The following KCNS3 variants were observed in gnomAD, a reference collection of about 807,000 sequenced individuals.
The protein encoded by KCNS3 is potassium voltage-gated channel modifier subfamily S member 3.
KCNS3 carries 13 observed loss-of-function variants against 31.0 expected under a neutral mutation model. The observed-to-expected ratio is 0.42, with a 90% CI of 0.27 to 0.67. The LOEUF (loss-of-function observed/expected upper bound fraction) is 0.67, where lower values mean the gene tolerates loss of function less well. KCNS3 is among the 30% of genes least tolerant of loss of function. The pLI is 0.25. For missense variants in KCNS3, 545 were observed against 622.4 expected, an observed-to-expected ratio of 0.88 and a Z score of 1.32; for synonymous variants, 238 against 241.5, an observed-to-expected ratio of 0.99 and a Z score of 0.13.
intron 1 of KCNS3, among the ~76,000 whole-genome samples, chr2:17,906,567 A>C (rs913619250): frequency 2.6e-5 from 4 of 152,094 alleles, no homozygotes; most frequent in African/African-American, 9.7e-5. Flanking sequence ...TGTCAGTTTT[A>C]GATGTTTCCT....
chr2:17,931,119 T>G lies in KCNS3; in HGVS notation c.111T>G (p.Pro37=), dbSNP rs565462209. ...ACCAAAGCACCCTCCTGCGGTTTCC[T>G]CACACCAGACTGGGGAAGCTGCTTA... ...SVDQSTLLRF[P]HTRLGKLLTC... Residue 37 remains proline, a synonymous_variant, in exon 3 of 3, where the codon CCT becomes CCG. Coordinates refer to ENST00000304101, the MANE Select transcript of KCNS3 (RefSeq NM_002252.5). This position sits in a 1 kb window ranked among gnomAD's most constrained non-coding sequence, Gnocchi z 5.4. 371 of 1,614,182 alleles carry G rather than the reference T, an allele frequency of 2.3e-4. 1 individual carries two copies. The South Asian group carries it at 3.8e-3, about 16-fold the overall frequency.
chr2:17,880,024 C>T (rs1301265833), intron 1 of KCNS3, among the ~76,000 whole-genome samples: 2 of 152,168 alleles, frequency 1.3e-5, no homozygotes, highest in Non-Finnish European at 2.9e-5. Flanking sequence ...AGAAGCCTTT[C>T]CTGTTTCTTT....
chr2:17,900,328 G>A (rs1030481466), intron 1 of KCNS3, among the ~76,000 whole-genome samples: 2 of 152,136 alleles, frequency 1.3e-5, no homozygotes, highest in Non-Finnish European at 2.9e-5. Context: ...TAGGTGGGAT[G>A]CAGTGGAAGG....
At chr2:17,898,689 G>A (rs78414252) in intron 1 of KCNS3, among the ~76,000 whole-genome samples, 1,535 of 152,224 alleles carry the variant, frequency 0.01, 21 homozygotes, top group African/African-American at 0.033. Flanking sequence ...TGAAAGGGGC[G>A]CAAGGAGAGA....
Position 17,888,629 on chromosome 2 carries a change from G to GTATATCTATCTA in KCNS3, c.-252+9828_-252+9829insCTATCTATATAT, listed in dbSNP as rs35102585. ...GAACTTAAAGTATAATAAAAAAAAT[G>GTATATCTATCTA]TATATATATATATATATATATATAT... On this transcript the variant is annotated intron_variant, in intron 1 of 2. Coordinates refer to ENST00000304101, the MANE Select transcript of KCNS3 (RefSeq NM_002252.5). 5.4e-4 allele frequency among the ~76,000 whole-genome samples: 50 copies of GTATATCTATCTA among 92,364 alleles called. 1 individual carries two copies. In the East Asian group the frequency reaches 0.01, roughly 19 times the overall value. 60.6% of individuals were successfully genotyped at this position (92,364 alleles called of 152,430 possible).
intron 1 of KCNS3, among the ~76,000 whole-genome samples, chr2:17,908,362 T>C (rs138906197): frequency 0.043 from 6,574 of 152,336 alleles, 246 homozygotes; most frequent in Non-Finnish European, 0.06. Flanking sequence ...GCCATTCTTC[T>C]AATCTTTTTT....
chr2:17,881,850 T>G (rs1385108701), intron 1 of KCNS3, among the ~76,000 whole-genome samples: 1 of 152,232 alleles, frequency 6.6e-6, no homozygotes, highest in African/African-American at 2.4e-5. Flanking sequence ...TTAAAAGGAA[T>G]CTCAAAGACT....
chr2:17,887,924 G>A (rs982247309), intron 1 of KCNS3, among the ~76,000 whole-genome samples: 2 of 152,076 alleles, frequency 1.3e-5, no homozygotes, highest in African/African-American at 2.4e-5. Context: ...CTGATCATTA[G>A]CGATGTTGTG....
At chr2:17,878,637 C>G (rs2125227789), upstream of KCNS3, 1 of 148,580 alleles carries the variant, frequency 6.7e-6, no homozygotes, top group African/African-American at 2.4e-5. Context: ...CTCCCGGGAG[C>G]CTCGCTCTAG....
At chr2:17,904,872 A>G (rs1662278866) in intron 1 of KCNS3, among the ~76,000 whole-genome samples, 1 of 152,102 alleles carries the variant, frequency 6.6e-6, no homozygotes, top group Non-Finnish European at 1.5e-5. Flanking sequence ...GCCTTGTAGT[A>G]TAGTTTGAAG....
intron 2 of KCNS3, among the ~76,000 whole-genome samples, chr2:17,918,892 C>T (rs2344690): frequency 0.27 from 41,025 of 152,108 alleles, 5,783 homozygotes; most frequent in East Asian, 0.38. Context: ...CTCCAAAACT[C>T]CCTCCCCTGG....
intron 1 of KCNS3, among the ~76,000 whole-genome samples, chr2:17,906,637 C>G (rs1469112471): frequency 6.6e-6 from 1 of 152,054 alleles, no homozygotes; most frequent in African/African-American, 2.4e-5. Context: ...TTTAAATGTC[C>G]CAGAGATTCT....
At chr2:17,896,163 C>T (rs920959358) in intron 1 of KCNS3, among the ~76,000 whole-genome samples, 1 of 152,172 alleles carries the variant, frequency 6.6e-6, no homozygotes, top group African/African-American at 2.4e-5. Context: ...CCACCTCAGC[C>T]TCTTGAATAG....
intron 1 of KCNS3, among the ~76,000 whole-genome samples, chr2:17,913,358 G>A (rs1662515820): frequency 6.6e-6 from 1 of 152,354 alleles, no homozygotes; most frequent in East Asian, 1.9e-4. Flanking sequence ...TCAGGAGTGG[G>A]CGTATTCAGC....
At chr2:17,917,248 A>G (rs1374175622) in intron 1 of KCNS3, among the ~76,000 whole-genome samples, 1 of 152,216 alleles carries the variant, frequency 6.6e-6, no homozygotes, top group Admixed American at 6.5e-5. Context: ...TGTTAATTCT[A>G]TTATAGCAGT....
chr2:17,879,865 C>A (rs1674603761), intron 1 of KCNS3, among the ~76,000 whole-genome samples: 1 of 152,188 alleles, frequency 6.6e-6, no homozygotes, highest in African/African-American at 2.4e-5. Flanking sequence ...TGGTTTGGTG[C>A]CAAGGCGTGA....
At chr2:17,918,858 A>G in intron 2 of KCNS3, among the ~76,000 whole-genome samples, 1 of 152,238 alleles carries the variant, frequency 6.6e-6, no homozygotes, top group Admixed American at 6.5e-5. Context: ...AGAGAGAACC[A>G]TTAATTTGGC....
rs1457628691 is a variant in KCNS3, at chr2:17,916,249, C to G, written c.-251-1431C>G. On this transcript the variant is annotated intron_variant, in intron 1 of 2. Coordinates refer to ENST00000304101, the MANE Select transcript of KCNS3 (RefSeq NM_002252.5). ...AAGGAAAACTATGTGTGTGCTATAT[C>G]CTTTTACCAAGGTGCAGCAGCAGTT... Among the ~76,000 whole-genome samples the G allele has an allele frequency of 2.0e-5, 3 of 152,096 alleles. No homozygotes were observed. In the East Asian group the frequency reaches 5.8e-4, roughly 29 times the overall value.
Position 17,878,709 on chromosome 2 carries a change from G to A in KCNS3, c.-349G>A, listed in dbSNP as rs953205186. On this transcript the variant is annotated 5_prime_UTR_variant, in exon 1 of 3. Coordinates refer to ENST00000304101, the MANE Select transcript of KCNS3 (RefSeq NM_002252.5). Reference sequence around the variant, plus strand: ...CCACCCCGCTCTCCTCGCCGCCGCGGCGGCAGGCGCGGGGCCGCGCCGCGA... The same window carrying A: ...CCACCCCGCTCTCCTCGCCGCCGCGACGGCAGGCGCGGGGCCGCGCCGCGA... 2.7e-5 allele frequency: 4 copies of A among 150,576 alleles called. No homozygotes were observed. The highest frequency in any genetic ancestry group is 1.5e-5 in the Non-Finnish European group (1 of 67,448). The allele number at this position is 150,576 out of a possible 1,614,324, so 9.3% of individuals were successfully genotyped here. A position where few individuals can be genotyped will look rare whatever the true frequency, so the allele number is the denominator to read the frequency against.
Sources: gnomAD v4.1 joint callset for allele counts (sites outside exome capture counted in the v4.1 genomes callset) on GRCh38, gnomAD v4.1.1 for gene constraint, Gnocchi (gnomAD v3.1) non-coding constraint, MANE v1.5 for transcripts, NCBI Gene and HGNC (gene_info 2026-07-23, HGNC 2026-07-21) for gene names.